The following CFI variants were observed in gnomAD, a reference collection of about 807,000 sequenced individuals.
CFI encodes C3B/C4B inactivator.
Under a neutral mutation model 78.8 loss-of-function variants are expected in CFI, and 66 were observed. The ratio of observed to expected loss-of-function variants is 0.84; its 90% CI spans 0.69 to 1.03. The LOEUF (loss-of-function observed/expected upper bound fraction) is 1.03, where lower values mean the gene tolerates loss of function less well. Ranked by LOEUF, CFI falls within the 50% of genes least tolerant of loss-of-function variation. CFI has a pLI of 0.00. For synonymous variants in CFI, 250 were observed against 232.6 expected (o/e 1.07, Z -0.68); for missense variants, 706 against 704.5 (o/e 1.00, Z -0.02).
At chr4:109,782,757 C>T (rs984250450) in intron 1 of CFI, among the ~76,000 whole-genome samples, 11 of 152,238 alleles carry the variant, frequency 7.2e-5, no homozygotes, top group African/African-American at 2.6e-4. Flanking sequence ...CTGGAAGCAT[C>T]ACACTACCTG....
downstream of CFI, among the ~76,000 whole-genome samples, chr4:109,739,711 A>G (rs1723598243): frequency 6.6e-6 from 1 of 152,164 alleles, no homozygotes; most frequent in African/African-American, 2.4e-5. Flanking sequence ...CAGATTTGTG[A>G]GTCACCGGAC....
intron 8 of CFI, among the ~76,000 whole-genome samples, chr4:109,751,316 T>C (rs1725103182): frequency 6.6e-6 from 1 of 152,112 alleles, no homozygotes; most frequent in African/African-American, 2.4e-5. Context: ...AGGGATCTCA[T>C]GCTCTGAGGA....
intron 1 of CFI, among the ~76,000 whole-genome samples, chr4:109,773,270 G>A (rs926246145): frequency 2.0e-5 from 3 of 152,196 alleles, no homozygotes; most frequent in Admixed American, 2.0e-4. Context: ...GCTTACGCCT[G>A]TAATCCCAGC....
chr4:109,752,933 TATAA>T (rs1374132028), intron 7 of CFI, among the ~76,000 whole-genome samples: 1 of 106,214 alleles, frequency 9.4e-6, no homozygotes, highest in Non-Finnish European at 1.8e-5. Context: ...ATATTTATTA[TATAA>T]ATAAATATTT....
At chr4:109,754,416 A>AAG (rs1224644179) in intron 7 of CFI, among the ~76,000 whole-genome samples, 216 of 147,534 alleles carry the variant, frequency 1.5e-3, no homozygotes, top group African/African-American at 5.0e-3. Context: ...AGAAGTTAAA[A>AAG]AAAAAAAAAA....
chr4:109,762,232 A>G (rs1727176195), intron 3 of CFI: 1 of 151,562 alleles, frequency 6.6e-6, no homozygotes, highest in African/African-American at 2.5e-5. Context: ...CCTTTTGGGA[A>G]TCTCTCTGCC....
chr4:109,756,966 AAAGAAAG>A (rs1376534011), intron 7 of CFI, among the ~76,000 whole-genome samples: 1 of 140,648 alleles, frequency 7.1e-6, no homozygotes, highest in African/African-American at 2.6e-5. Context: ...AGAAAGAAAG[AAAGAAAG>A]AAAGAAATTC....
At chr4:109,737,028 A>G (rs1395238498), downstream of CFI, among the ~76,000 whole-genome samples, 1 of 151,936 alleles carries the variant, frequency 6.6e-6, no homozygotes, top group Non-Finnish European at 1.5e-5. Flanking sequence ...CATCTATTTC[A>G]CTCAACATAT....
chr4:109,743,642 C>A (rs544266359), intron 11 of CFI, among the ~76,000 whole-genome samples: 1 of 152,164 alleles, frequency 6.6e-6, no homozygotes, highest in African/African-American at 2.4e-5. Flanking sequence ...TGTGTTAAAC[C>A]TTTGATCATT....
intron 7 of CFI, among the ~76,000 whole-genome samples, chr4:109,757,019 G>A (rs531395239): frequency 6.6e-6 from 1 of 151,876 alleles, no homozygotes; most frequent in African/African-American, 2.4e-5. Flanking sequence ...TATATGAACT[G>A]GGGATATGAG....
intron 6 of CFI, among the ~76,000 whole-genome samples, chr4:109,758,845 C>T (rs936786814): frequency 6.6e-6 from 1 of 152,212 alleles, no homozygotes; most frequent in African/African-American, 2.4e-5. Context: ...GTAATGCCAG[C>T]ACTTTGGGAG....
intron 1 of CFI, among the ~76,000 whole-genome samples, chr4:109,782,036 A>G (rs1272594938): frequency 1.3e-5 from 2 of 152,188 alleles, no homozygotes; most frequent in African/African-American, 4.8e-5. Flanking sequence ...ATCTATGACA[A>G]ACCCACAGCC....
At chr4:109,746,725 G>A (rs952045711) in intron 10 of CFI, among the ~76,000 whole-genome samples, 30 of 152,264 alleles carry the variant, frequency 2.0e-4, no homozygotes, top group African/African-American at 7.0e-4. Context: ...TGCTCAATAT[G>A]AGGAACATAA....
At chr4:109,778,779 C>T (rs1248241598) in intron 1 of CFI, among the ~76,000 whole-genome samples, 6 of 152,126 alleles carry the variant, frequency 3.9e-5, no homozygotes, top group East Asian at 3.9e-4. Flanking sequence ...AAAGCTTATC[C>T]ATTATGATCA....
At chr4:109,741,197 T>C in intron 12 of CFI, 87 bp from the exon 13 acceptor site, 2 of 1,599,922 alleles carry the variant, frequency 1.3e-6, no homozygotes, top group Non-Finnish European at 8.5e-7. Flanking sequence ...TTAACAACTT[T>C]GGCTTTTTTA....
rs77216438 is a variant in CFI at position 109,772,940 on chromosome 4, G to A, written c.58-6116C>T. On this transcript the variant is annotated intron_variant, in intron 1 of 12. Coordinates refer to ENST00000394634, the MANE Select transcript of CFI (RefSeq NM_000204.5). Reference sequence around the variant, plus strand: ...AACATTAATACTGCTTACTAAAATCGTATTTTCCTCTACTTCTGGGAAAAT... The same window carrying A: ...AACATTAATACTGCTTACTAAAATCATATTTTCCTCTACTTCTGGGAAAAT... Among the ~76,000 whole-genome samples the A allele has an allele frequency of 7.0e-3, 1,071 of 152,146 alleles. 6 individuals carry two copies. Among genetic ancestry groups the A allele is most frequent in the Non-Finnish European group, 0.011 (760 of 68,002 alleles).
intron 1 of CFI, among the ~76,000 whole-genome samples, chr4:109,792,853 A>C (rs962268852): frequency 4.6e-5 from 7 of 152,138 alleles, no homozygotes; most frequent in Admixed American, 3.9e-4. Flanking sequence ...ATTTCTTTGG[A>C]CCTAAAGGCA....
At chr4:109,743,931 G>A (rs1466649507) in intron 11 of CFI, among the ~76,000 whole-genome samples, 1 of 152,010 alleles carries the variant, frequency 6.6e-6, no homozygotes, top group East Asian at 1.9e-4. Flanking sequence ...GTTGCAGTGA[G>A]CTAGGTTTGT....
At chr4:109,747,700 AATGTATT>A (rs1322566105) in intron 10 of CFI, among the ~76,000 whole-genome samples, 4 of 152,192 alleles carry the variant, frequency 2.6e-5, no homozygotes. Context: ...CTTTTCAAAA[AATGTATT>A]ATTTATATCA....
Sources: gnomAD v4.1 joint callset for allele counts (sites outside exome capture counted in the v4.1 genomes callset) on GRCh38, gnomAD v4.1.1 for gene constraint, MANE v1.5 for transcripts, NCBI Gene and HGNC (gene_info 2026-07-23, HGNC 2026-07-21) for gene names.